DNAJC13: variants seen among roughly 807,000 people sequenced by gnomAD.
DNAJC13 encodes the protein dnaJ homolog subfamily C member 13.
In DNAJC13, 75 loss-of-function variants were observed where a neutral mutation model predicts 290.5. The observed-to-expected ratio is 0.26, with a 90% CI of 0.21 to 0.31. The LOEUF (loss-of-function observed/expected upper bound fraction) is 0.31, where lower values mean the gene tolerates loss of function less well. DNAJC13 is among the 10% of genes least tolerant of loss of function. The pLI is 1.00. For missense variants in DNAJC13, 2,260 were observed against 2,674.5 expected (o/e 0.85, Z 3.42); for synonymous variants, 862 against 892.0 (o/e 0.97, Z 0.60).
chr3:132,511,327 C>A, intron 44 of DNAJC13, 83 bp downstream of exon 44: 1 of 1,482,924 alleles, frequency 6.7e-7, no homozygotes, highest in African/African-American at 1.4e-5. Flanking sequence ...ATCAGGGAAA[C>A]TCAGGGAAAA....
chr3:132,441,028 A>G (rs186044424), intron 2 of DNAJC13, among the ~76,000 whole-genome samples: 1 of 152,316 alleles, frequency 6.6e-6, no homozygotes, highest in African/African-American at 2.4e-5. Context: ...TTTTAGTTCA[A>G]GTTACTGGAT....
rs1197924503 is a variant in DNAJC13, at chr3:132,453,197, C to T, written c.538-101C>T. Reference sequence around the variant, plus strand: ...TGCCTCTAATACCTACCTCTTTTTTCTCTAGAATTGCTACTTTAATACCTT... The same window carrying T: ...TGCCTCTAATACCTACCTCTTTTTTTTCTAGAATTGCTACTTTAATACCTT... On this transcript the variant is annotated intron_variant, in intron 6 of 55. Coordinates refer to ENST00000260818, the MANE Select transcript of DNAJC13 (RefSeq NM_015268.4). 9 of 1,050,276 alleles carry T rather than the reference C, an allele frequency of 8.6e-6. No homozygotes were observed. In the Admixed American group the frequency reaches 1.6e-4, roughly 19 times the overall value. 65.1% of individuals were successfully genotyped at this position (1,050,276 alleles called of 1,614,324 possible).
At position 132,466,063 on chromosome 3, in the gene DNAJC13, G is replaced by A. The variant is rs745887615; in HGVS notation, c.1961G>A (p.Arg654His). 9 of 1,613,236 alleles carry A rather than the reference G, an allele frequency of 5.6e-6. No individual in the cohort carries two copies. The highest frequency in any genetic ancestry group is 2.7e-5 in the African/African-American group (2 of 74,898). The change falls in exon 18 of 56, where the codon CGC becomes CAC. Residue 654 changes from arginine to histidine, a missense_variant. This residue lies in a region of DNAJC13 where 762 missense variants were observed against 964.1 expected (regional missense o/e 0.79). Transcript: ENST00000260818. ...DNATATNLLK[R>H]ILPPGLLAYL... ...GCAACTGCAACAAACTTGTTGAAAC[G>A]CATTTTGGTAAGTCAGTTGAGAAAT...
At chr3:132,447,605 C>G in intron 4 of DNAJC13, 135 bp downstream of exon 4, 1 of 935,376 alleles carries the variant, frequency 1.1e-6, no homozygotes, top group South Asian at 2.2e-5. Context: ...TGACCTTTAA[C>G]TTGACCCTGT....
intron 1 of DNAJC13, among the ~76,000 whole-genome samples, chr3:132,423,718 G>A (rs1166280729): frequency 6.6e-6 from 1 of 152,082 alleles, no homozygotes; most frequent in Non-Finnish European, 1.5e-5. Flanking sequence ...TTGAGTGAAG[G>A]GGAAATTGTA....
At chr3:132,445,902 T>A (rs943758087) in intron 2 of DNAJC13, among the ~76,000 whole-genome samples, 7 of 152,100 alleles carry the variant, frequency 4.6e-5, no homozygotes, top group Admixed American at 2.6e-4. Flanking sequence ...TTCAAATATG[T>A]TACTTGAAAG....
intron 48 of DNAJC13, among the ~76,000 whole-genome samples, chr3:132,520,289 C>T (rs74585334): frequency 6.6e-6 from 1 of 152,208 alleles, no homozygotes; most frequent in Non-Finnish European, 1.5e-5. Context: ...ACTTTATATA[C>T]GAAAATAGAT....
intron 35 of DNAJC13, among the ~76,000 whole-genome samples, chr3:132,496,306 T>G (rs1185741138): frequency 6.6e-6 from 1 of 152,182 alleles, no homozygotes; most frequent in Non-Finnish European, 1.5e-5. Flanking sequence ...TATTCTTATT[T>G]GAAGAATTTT....
intron 20 of DNAJC13, chr3:132,472,522 C>G (rs1248062232): frequency 2.0e-6 from 2 of 977,520 alleles, no homozygotes; most frequent in African/African-American, 3.5e-5. Flanking sequence ...TTTTTATTTT[C>G]TTTAACTTTT....
chr3:132,522,822 G>T lies in DNAJC13; in HGVS notation c.5674-6G>T, dbSNP rs369656958. ...GTCTTTTTCATTCTCAAACTTCCTC[G>T]TATAGGTTCGAATTACGTTAATGAA... On this transcript the variant is annotated splice_region_variant and splice_polypyrimidine_tract_variant and intron_variant, in intron 48 of 55. Transcript: ENST00000260818. The T allele has an allele frequency of 1.3e-6, 2 of 1,594,966 alleles. No homozygotes were observed. The highest frequency in any genetic ancestry group is 1.4e-5 in the African/African-American group (1 of 73,752).
rs754120262 is a variant in DNAJC13 at position 132,526,205 on chromosome 3, G to A, written c.6305G>A (p.Arg2102Gln). The A allele has an allele frequency of 5.0e-6, 8 of 1,614,068 alleles. No homozygotes were observed. Among genetic ancestry groups the A allele is most frequent in the Middle Eastern group, 1.6e-4 (1 of 6,062 alleles). The change falls in exon 53 of 56, where the codon CGA becomes CAA. Residue 2102 changes from arginine (R) to glutamine (Q), a missense_variant. By Grantham distance (43) the Arg-to-Gln change is conservative. Coordinates refer to ENST00000260818, the MANE Select transcript of DNAJC13 (RefSeq NM_015268.4). ...IGPLMNGMKK[R>Q]ADTVGLACEA... ...CCACTGATGAATGGAATGAAAAAGCGAGCAGATACTGTTGGTCTAGCCTGT... is the reference window on the plus strand; with the variant it reads ...CCACTGATGAATGGAATGAAAAAGCAAGCAGATACTGTTGGTCTAGCCTGT...
intron 17 of DNAJC13, among the ~76,000 whole-genome samples, chr3:132,465,408 A>T (rs1933945989): frequency 6.6e-6 from 1 of 152,166 alleles, no homozygotes; most frequent in African/African-American, 2.4e-5. Context: ...TTAGTAAATG[A>T]CTAAACCATA....
chr3:132,489,700 C>T (rs1935004147), intron 31 of DNAJC13, among the ~76,000 whole-genome samples: 1 of 151,922 alleles, frequency 6.6e-6, no homozygotes. Flanking sequence ...GAATGTTGCA[C>T]CACCTTGACA....
chr3:132,427,993 T>A (rs1010788146), intron 1 of DNAJC13, among the ~76,000 whole-genome samples: 2 of 152,200 alleles, frequency 1.3e-5, no homozygotes, highest in Admixed American at 6.5e-5. Context: ...AATGGAATGT[T>A]AATGTAGCCT....
chr3:132,501,140 G>T (rs1935394862), intron 39 of DNAJC13, among the ~76,000 whole-genome samples: 1 of 152,152 alleles, frequency 6.6e-6, no homozygotes, highest in Non-Finnish European at 1.5e-5. Context: ...AGGGAAGTGG[G>T]TTCCATCTGA....
At chr3:132,466,545 A>G (rs1217700287) in intron 19 of DNAJC13, 151 bp downstream of exon 19, 3 of 508,568 alleles carry the variant, frequency 5.9e-6, no homozygotes, top group East Asian at 6.7e-5. Context: ...TTGAGGTAAA[A>G]TTTACATCCC....
At chr3:132,468,181 A>G (rs1281692567) in intron 20 of DNAJC13, among the ~76,000 whole-genome samples, 2 of 152,220 alleles carry the variant, frequency 1.3e-5, no homozygotes, top group South Asian at 4.1e-4. Context: ...GCATTCTTCT[A>G]TCTATAATGG....
At chr3:132,491,086 A>C (rs751295797) in intron 32 of DNAJC13, 35 bp downstream of exon 32, 4 of 1,538,832 alleles carry the variant, frequency 2.6e-6, no homozygotes, top group Non-Finnish European at 3.5e-6. Flanking sequence ...TTTGTATTTT[A>C]TAATTAAGTC....
intron 36 of DNAJC13, among the ~76,000 whole-genome samples, chr3:132,497,494 C>T (rs1342998045): frequency 1.3e-5 from 2 of 152,116 alleles, no homozygotes; most frequent in African/African-American, 2.4e-5. Flanking sequence ...GATGGTGTTG[C>T]AGTTTAAGTA....
Sources: allele counts gnomAD v4.1 joint callset (sites outside exome capture counted in the v4.1 genomes callset), GRCh38; gene constraint gnomAD v4.1.1; regional missense constraint gnomAD v4.1.1; transcripts MANE v1.5; gene names NCBI Gene and HGNC (gene_info 2026-07-23, HGNC 2026-07-21).